The following LCOR variants were observed in gnomAD, a reference collection of about 807,000 sequenced individuals.
LCOR encodes ligand-dependent corepressor.
A neutral mutation model predicts 64.4 loss-of-function variants in LCOR; 14 were observed. That is an observed-to-expected ratio of 0.22 (90% CI 0.14 to 0.34). The LOEUF is 0.34. Ranked by LOEUF, LCOR falls within the 10% of genes least tolerant of loss-of-function variation. The probability of loss-of-function intolerance (pLI) is 1.00; values close to 1 mark genes in which losing one functional copy is unlikely to be tolerated. For synonymous variants in LCOR, 643 were observed against 642.5 expected (o/e 1.00, Z -0.01); for missense variants, 1,686 against 1,765.3 (o/e 0.96, Z 0.80).
chr10:96,921,445 T>C (rs1010411553), intron 4 of LCOR, among the ~76,000 whole-genome samples: 6 of 152,036 alleles, frequency 3.9e-5, no homozygotes, highest in African/African-American at 1.4e-4. Context: ...AGGATCCAGC[T>C]TCATTCTTTA....
At chr10:96,964,713 T>C (rs1847930708) in intron 7 of LCOR, among the ~76,000 whole-genome samples, 1 of 152,224 alleles carries the variant, frequency 6.6e-6, no homozygotes, top group Admixed American at 6.5e-5. Flanking sequence ...CATTGGATTA[T>C]TCATTTTAAA....
At chr10:96,908,308 A>G (rs1846765391) in intron 4 of LCOR, among the ~76,000 whole-genome samples, 1 of 152,048 alleles carries the variant, frequency 6.6e-6, no homozygotes. Flanking sequence ...TGTTTTATTT[A>G]TATAGTTCAC....
intron 4 of LCOR, among the ~76,000 whole-genome samples, chr10:96,941,179 A>G (rs1350333472): frequency 2.1e-3 from 151 of 72,358 alleles, no homozygotes; most frequent in South Asian, 3.0e-3. Context: ...GCGGCTGGCC[A>G]GGCGGGGGGC....
At chr10:96,886,222 T>C (rs1266685243) in intron 2 of LCOR, among the ~76,000 whole-genome samples, 2 of 152,196 alleles carry the variant, frequency 1.3e-5, no homozygotes, top group Non-Finnish European at 2.9e-5. Flanking sequence ...ATTTGCTTTG[T>C]TGAAGTGCAC....
At chr10:96,896,049 C>T (rs957636515) in intron 2 of LCOR, among the ~76,000 whole-genome samples, 1 of 151,972 alleles carries the variant, frequency 6.6e-6, no homozygotes. Context: ...GCCATTACAA[C>T]CCAGCCTGGG....
rs186828859 is a variant in LCOR, at chr10:96,963,454, C to T, written c.332+11258C>T. On this transcript the variant is annotated intron_variant, in intron 7 of 7. Coordinates refer to ENST00000421806, the MANE Select transcript of LCOR (RefSeq NM_001346516.2). ...TCCTTGGGTGTCTGACCTCTACATT[C>T]TAGTTTATGCAATGTCTTTAGAGAA... is the stretch of plus-strand genomic sequence containing the variant. The T allele has an allele frequency of 2.0e-5, 3 of 152,298 alleles. No individual in the cohort carries two copies. In the East Asian group the frequency reaches 5.8e-4, roughly 29 times the overall value. The allele number at this position is 152,298 out of a possible 1,614,324, so 9.4% of individuals were successfully genotyped here.
rs2134570652 is a variant in LCOR at position 96,988,532 on chromosome 10, G to A, written c.*3398G>A. The A allele has an allele frequency of 6.6e-6, 1 of 152,318 alleles. No individual in the cohort carries two copies. The highest frequency in any genetic ancestry group is 2.1e-4 in the South Asian group (1 of 4,828). 9.4% of individuals were successfully genotyped at this position (152,318 alleles called of 1,614,324 possible). On this transcript the variant is annotated 3_prime_UTR_variant, in exon 8 of 8. Transcript: ENST00000421806. ...ATGCAGGTGAATTTCTCACTGTTCA[G>A]ATAGGTCATCAGTAAAAGGCATCAC...
At chr10:96,891,512 T>C (rs1214302522) in intron 2 of LCOR, among the ~76,000 whole-genome samples, 1 of 101,516 alleles carries the variant, frequency 9.9e-6, no homozygotes, top group Non-Finnish European at 2.1e-5. Context: ...TGAGACAGGG[T>C]CTTACTCTGT....
In LCOR at chr10:96,913,262, A is replaced by G. The variant is rs375567313; in HGVS notation, c.-184+5515A>G. Among the ~76,000 whole-genome samples the G allele has an allele frequency of 8.5e-5, 13 of 152,238 alleles. No homozygotes were observed. In the East Asian group the frequency reaches 1.3e-3, roughly 16 times the overall value. Reference sequence around the variant, plus strand: ...GAAACATGTATGTTTACTAAAATACATGTGTAGCTATGTTATTTTATATAT... The same window carrying G: ...GAAACATGTATGTTTACTAAAATACGTGTGTAGCTATGTTATTTTATATAT... On this transcript the variant is annotated intron_variant, in intron 4 of 7. Transcript: ENST00000421806.
intron 2 of LCOR, among the ~76,000 whole-genome samples, chr10:96,850,960 A>G (rs138759540): frequency 9.8e-4 from 149 of 152,380 alleles, no homozygotes; most frequent in African/African-American, 3.2e-3. Flanking sequence ...AAGGATGCCA[A>G]GGACAGAATA....
chr10:96,889,074 G>T (rs1183473796), intron 2 of LCOR, among the ~76,000 whole-genome samples: 1 of 152,134 alleles, frequency 6.6e-6, no homozygotes, highest in Non-Finnish European at 1.5e-5. Context: ...TCAAAGTGTT[G>T]TACAACCATT....
Position 96,982,801 on chromosome 10 carries a change from A to G in LCOR, c.2341A>G (p.Lys781Glu). The stretch of plus-strand genomic sequence containing the variant: ...ATTAGAGGGAGAGGACGGTGATGTA[A>G]AATGCCTGTCAGAAAAAGACACGTA... ...GKLEGEDGDV[K>E]CLSEKDTYDT... Residue 781 changes from lysine (K) to glutamate (E), a missense_variant, in exon 8 of 8, where the codon AAA becomes GAA. Around this residue, in one of 3 missense-constraint regions of LCOR, gnomAD observed 1,293 missense variants for 1,410.4 expected, o/e 0.92. Transcript: ENST00000421806. 6.2e-7 allele frequency: 1 copy of G among 1,614,124 alleles called. No homozygotes were observed. Among genetic ancestry groups the G allele is most frequent in the Middle Eastern group, 1.6e-4 (1 of 6,062 alleles).
At chr10:96,834,117 C>A (rs1016134455) in intron 2 of LCOR, among the ~76,000 whole-genome samples, 4 of 152,156 alleles carry the variant, frequency 2.6e-5, no homozygotes, top group Admixed American at 2.6e-4. Flanking sequence ...AAAGAATATA[C>A]GCCTTTCCAT....
At chr10:96,940,248 T>A (rs2134504669) in intron 4 of LCOR, among the ~76,000 whole-genome samples, 1 of 150,854 alleles carries the variant, frequency 6.6e-6, no homozygotes, top group Admixed American at 6.6e-5. Context: ...GTTAACGTGA[T>A]ACGGAAATTT....
At chr10:96,936,597 G>GT (rs1847354900) in intron 4 of LCOR, among the ~76,000 whole-genome samples, 1 of 152,210 alleles carries the variant, frequency 6.6e-6, no homozygotes, top group Non-Finnish European at 1.5e-5. Flanking sequence ...TATGCCAGCA[G>GT]TTTAGAGAAT....
At chr10:96,939,949 T>A (rs1057354229) in intron 4 of LCOR, among the ~76,000 whole-genome samples, 2 of 152,152 alleles carry the variant, frequency 1.3e-5, no homozygotes, top group Non-Finnish European at 2.9e-5. Context: ...GGCAACAGAG[T>A]GAGACTCCGT....
intron 2 of LCOR, among the ~76,000 whole-genome samples, chr10:96,834,597 C>G (rs1359569890): frequency 2.6e-5 from 4 of 152,102 alleles, no homozygotes; most frequent in Admixed American, 6.6e-5. Context: ...GGGTTAGTAT[C>G]AAATGCTGGA....
intron 7 of LCOR, among the ~76,000 whole-genome samples, chr10:96,973,175 C>G (rs1056728485): frequency 1.3e-5 from 2 of 152,150 alleles, no homozygotes; most frequent in East Asian, 3.8e-4. Flanking sequence ...TATTTAACAG[C>G]CTGTGATTTT....
chr10:96,969,774 C>CTTTTTTTTTTTTT (rs58881683), intron 7 of LCOR, among the ~76,000 whole-genome samples: 46 of 124,116 alleles, frequency 3.7e-4, no homozygotes, highest in African/African-American at 7.7e-4. Flanking sequence ...TTTTTTTTTT[C>CTTTTTTTTTTTTT]TTTTTTTTTT....
Sources: gnomAD v4.1 joint callset for allele counts (sites outside exome capture counted in the v4.1 genomes callset) on GRCh38, gnomAD v4.1.1 for gene constraint, gnomAD v4.1.1 regional missense constraint, MANE v1.5 for transcripts, NCBI Gene and HGNC (gene_info 2026-07-23, HGNC 2026-07-21) for gene names.